GRK4: variants seen among roughly 807,000 people sequenced by gnomAD.
The protein encoded by GRK4 is G protein-coupled receptor kinase 2-like.
A neutral mutation model predicts 77.9 loss-of-function variants in GRK4; 73 were observed. That is an observed-to-expected ratio of 0.94 (90% CI 0.78 to 1.14). The LOEUF is 1.14. GRK4 is among the 50% of genes most tolerant of loss of function. GRK4 has a pLI of 0.00. For synonymous variants in GRK4, 257 were observed against 254.4 expected, an observed-to-expected ratio of 1.01 and a Z score of -0.10; for missense variants, 729 against 700.2, an observed-to-expected ratio of 1.04 and a Z score of -0.46.
Position 2,992,645 on chromosome 4 carries a change from G to A in GRK4, c.339+353G>A, listed in dbSNP as rs567113173. ...GGCTGTGAGCCAAGGTCATGCCACT[G>A]CATTCTAGCCTGGGTGACAGAGCAA... On this transcript the variant is annotated intron_variant, in intron 4 of 15. Transcript: ENST00000398052. 4.6e-5 allele frequency among the ~76,000 whole-genome samples: 7 copies of A among 151,776 alleles called. No homozygotes were observed. The South Asian group carries it at 1.5e-3, about 32-fold the overall frequency.
chr4:2,983,896 GGAGA>G (rs750542165), intron 1 of GRK4, among the ~76,000 whole-genome samples: 2 of 152,114 alleles, frequency 1.3e-5, no homozygotes, highest in Non-Finnish European at 2.9e-5. Context: ...CATGGTGGCA[GGAGA>G]GAGAGAGGGG....
At chr4:2,991,339 C>T (rs901934254) in intron 3 of GRK4, among the ~76,000 whole-genome samples, 14 of 152,192 alleles carry the variant, frequency 9.2e-5, no homozygotes, top group African/African-American at 3.1e-4. Flanking sequence ...TGATTATAAA[C>T]TTTAATCGTA....
intron 15 of GRK4, among the ~76,000 whole-genome samples, chr4:3,040,119 T>A (rs1186041836): frequency 2.0e-5 from 3 of 151,992 alleles, no homozygotes; most frequent in Non-Finnish European, 2.9e-5. Flanking sequence ...AAGGAGAAAA[T>A]TTTTCAGGTT....
chr4:3,016,914 C>G (rs973878687), intron 8 of GRK4, among the ~76,000 whole-genome samples: 2 of 152,110 alleles, frequency 1.3e-5, no homozygotes, highest in Non-Finnish European at 2.9e-5. Context: ...GGTGTTTTCT[C>G]CCTGCTTAAC....
intron 1 of GRK4, among the ~76,000 whole-genome samples, chr4:2,977,132 A>G (rs1721457885): frequency 6.6e-6 from 1 of 150,938 alleles, no homozygotes; most frequent in South Asian, 2.1e-4. Flanking sequence ...GGCCTTTCAT[A>G]CTCTCTAAAG....
intron 8 of GRK4, among the ~76,000 whole-genome samples, chr4:3,015,096 A>T (rs1487705314): frequency 1.3e-5 from 2 of 152,178 alleles, no homozygotes; most frequent in Non-Finnish European, 2.9e-5. Context: ...AGGACAGAAC[A>T]TTGGGCGGAC....
intron 12 of GRK4, among the ~76,000 whole-genome samples, chr4:3,030,789 C>T (rs1738945213): frequency 1.3e-5 from 2 of 152,196 alleles, no homozygotes; most frequent in African/African-American, 4.8e-5. Flanking sequence ...TGCTGAACCA[C>T]CTGTCACTTG....
intron 4 of GRK4, among the ~76,000 whole-genome samples, chr4:2,998,577 A>G (rs1728641026): frequency 1.4e-5 from 2 of 144,496 alleles, no homozygotes; most frequent in Admixed American, 1.4e-4. Flanking sequence ...ATTAAAATCC[A>G]AAAAAAAAGA....
intron 3 of GRK4, among the ~76,000 whole-genome samples, 200 bp from the exon 4 acceptor site, chr4:2,992,015 A>G (rs923452740): frequency 1.3e-5 from 2 of 151,720 alleles, no homozygotes; most frequent in Admixed American, 6.6e-5. Flanking sequence ...TTGAAACATA[A>G]TGAAACATTG....
intron 8 of GRK4, among the ~76,000 whole-genome samples, chr4:3,014,235 C>A (rs1340022002): frequency 2.2e-4 from 34 of 151,506 alleles, no homozygotes; most frequent in Admixed American, 2.2e-3. Flanking sequence ...CAGTCAATTT[C>A]TCTGGCCCCT....
chr4:2,988,074 T>A (rs1181912715), intron 2 of GRK4, among the ~76,000 whole-genome samples: 4 of 29,600 alleles, frequency 1.4e-4, no homozygotes, highest in South Asian at 6.4e-4. Context: ...AGGCTCTGTC[T>A]CAAAAAAAAA....
In GRK4 at chr4:3,013,360, A is replaced by G. The variant is rs537570718; in HGVS notation, c.601-328A>G. ...AGCCACCATGCCCAGCTGAAAAAGA[A>G]TCTTTTCAGTTTTACTTTTTAAAAC... On this transcript the variant is annotated intron_variant, in intron 7 of 15. Transcript: ENST00000398052. Among the ~76,000 whole-genome samples the G allele has an allele frequency of 6.6e-5, 10 of 152,196 alleles. No homozygotes were observed. In the East Asian group the frequency reaches 1.6e-3, roughly 24 times the overall value.
intron 10 of GRK4, among the ~76,000 whole-genome samples, chr4:3,022,990 A>G (rs1736505323): frequency 6.6e-6 from 1 of 152,156 alleles, no homozygotes; most frequent in South Asian, 2.1e-4. Context: ...TGCCCCACCT[A>G]GAAGCACATT....
chr4:3,025,011 C>T (rs1737061122), intron 10 of GRK4, among the ~76,000 whole-genome samples: 1 of 152,022 alleles, frequency 6.6e-6, no homozygotes, highest in South Asian at 2.1e-4. Flanking sequence ...TGGCTCTTGC[C>T]TGTAATCCCA....
intron 15 of GRK4, 52 bp downstream of exon 15, chr4:3,038,565 A>G: frequency 2.6e-6 from 4 of 1,537,372 alleles, no homozygotes; most frequent in Non-Finnish European, 3.5e-6. Context: ...AAAAAAAAAA[A>G]CATACTGACT....
At chr4:3,016,377 G>A (rs371006389) in intron 8 of GRK4, among the ~76,000 whole-genome samples, 5 of 151,722 alleles carry the variant, frequency 3.3e-5, no homozygotes, top group African/African-American at 1.2e-4. Flanking sequence ...TTAGCTGGGT[G>A]TGTGGTGGCG....
At chr4:2,976,631 CTT>C (rs769469513) in intron 1 of GRK4, among the ~76,000 whole-genome samples, 1,408 of 117,260 alleles carry the variant, frequency 0.012, 9 homozygotes, top group African/African-American at 0.044. Flanking sequence ...TTCTTTCTTT[CTT>C]TTTTTTTTTT....
chr4:3,038,448 A>G lies in GRK4; in HGVS notation c.1618A>G (p.Lys540Glu), dbSNP rs766305576. ...GGAAGCTTTGCCATTAGATCTAGAC[A>G]AGAACATACATACCCCGGTTTCCAG... The part of the protein sequence containing the change: ...SEEALPLDLD[K>E]NIHTPVSRPN... The change falls in exon 15 of 16, where the codon AAG becomes GAG. Residue 540 changes from lysine (K) to glutamate (E), a missense_variant. Coordinates refer to ENST00000398052, the MANE Select transcript of GRK4 (RefSeq NM_182982.3). 1.9e-6 allele frequency: 3 copies of G among 1,614,084 alleles called. No homozygotes were observed. Among genetic ancestry groups the G allele is most frequent in the Non-Finnish European group, 2.5e-6 (3 of 1,180,026 alleles).
At chr4:3,040,342 G>A (rs1742059857) in intron 15 of GRK4, among the ~76,000 whole-genome samples, 1 of 152,160 alleles carries the variant, frequency 6.6e-6, no homozygotes, top group South Asian at 2.1e-4. Context: ...TCAGGAGGCT[G>A]AGGAAGGAGA....
Sources: allele counts gnomAD v4.1 joint callset (sites outside exome capture counted in the v4.1 genomes callset), GRCh38; gene constraint gnomAD v4.1.1; transcripts MANE v1.5; gene names NCBI Gene and HGNC (gene_info 2026-07-23, HGNC 2026-07-21).